The following MROH9 variants were observed in gnomAD, a reference collection of about 807,000 sequenced individuals.
The protein encoded by MROH9 is maestro heat-like repeat-containing protein family member 9.
Under a neutral mutation model 98.2 loss-of-function variants are expected in MROH9, and 92 were observed. That is an observed-to-expected ratio of 0.94 (90% CI 0.79 to 1.11). The LOEUF is 1.11. Among genes scored for constraint, MROH9 ranks in the 50% most tolerant of loss-of-function variants. The pLI is 0.00. For missense variants in MROH9, 1,057 were observed against 1,014.8 expected (o/e 1.04, Z -0.57); for synonymous variants, 397 against 368.9 (o/e 1.08, Z -0.87).
chr1:170,985,104 T>A (rs1050592828), intron 9 of MROH9, among the ~76,000 whole-genome samples: 5 of 152,114 alleles, frequency 3.3e-5, no homozygotes, highest in African/African-American at 1.2e-4. Flanking sequence ...TTGCAAAGGA[T>A]CCACAGAGAG....
chr1:171,033,299 C>CA (rs1284913675), intron 20 of MROH9, among the ~76,000 whole-genome samples: 5 of 152,268 alleles, frequency 3.3e-5, no homozygotes, highest in African/African-American at 1.2e-4. Context: ...GGTCGCCCTT[C>CA]ACCCCAGGAG....
chr1:171,002,043 G>C (rs1651801640), intron 15 of MROH9, among the ~76,000 whole-genome samples: 2 of 152,110 alleles, frequency 1.3e-5, no homozygotes, highest in African/African-American at 4.8e-5. Flanking sequence ...TATTTTGTCT[G>C]ATATAAGAAT....
chr1:170,945,396 C>T, intron 1 of MROH9, 124 bp from the exon 2 acceptor site: 2 of 629,564 alleles, frequency 3.2e-6, no homozygotes, highest in East Asian at 3.0e-5. Flanking sequence ...TAAATTGATG[C>T]ACAGCTATAG....
rs972586768 is a variant in MROH9 at position 170,998,722 on chromosome 1, T to A, written c.1596+448T>A. ...ACCATATTACTTTGTATATCAATAT[T>A]GTGCCATGTATTGTAATACTATAAT... On this transcript the variant is annotated intron_variant, in intron 15 of 21. Coordinates refer to ENST00000367759, the MANE Select transcript of MROH9 (RefSeq NM_001163629.2). 3.0e-6 allele frequency: 3 copies of A among 1,014,016 alleles called. No homozygotes were observed. In the African/African-American group the frequency reaches 5.2e-5, roughly 17 times the overall value. The allele number at this position is 1,014,016 out of a possible 1,614,324, so 62.8% of individuals were successfully genotyped here. A position where few individuals can be genotyped will look rare whatever the true frequency, so the allele number is the denominator to read the frequency against.
intron 20 of MROH9, among the ~76,000 whole-genome samples, chr1:171,047,505 T>C (rs1368187052): frequency 6.6e-6 from 1 of 152,202 alleles, no homozygotes; most frequent in African/African-American, 2.4e-5. Flanking sequence ...CTTGATTCTT[T>C]TTCATCATTT....
intron 15 of MROH9, among the ~76,000 whole-genome samples, chr1:171,007,621 C>A (rs1230416979): frequency 6.6e-6 from 1 of 152,190 alleles, no homozygotes; most frequent in Non-Finnish European, 1.5e-5. Flanking sequence ...TTTCCGGGAT[C>A]TGCTGTGGGA....
chr1:170,979,151 G>A (rs752837449), intron 8 of MROH9, among the ~76,000 whole-genome samples: 13 of 152,162 alleles, frequency 8.5e-5, no homozygotes, highest in African/African-American at 1.4e-4. Flanking sequence ...TAGGTGCTGG[G>A]AAACCAACAA....
chr1:170,974,795 T>C (rs1252478358), intron 8 of MROH9, among the ~76,000 whole-genome samples: 2 of 152,032 alleles, frequency 1.3e-5, no homozygotes, highest in Admixed American at 6.5e-5. Flanking sequence ...TCTCTTTAAA[T>C]GATAATCAAC....
rs553803572 is a variant in MROH9 at position 171,048,302 on chromosome 1, C to T, written c.2282-13830C>T. Among the ~76,000 whole-genome samples, 6 of 152,300 alleles carry T rather than the reference C, an allele frequency of 3.9e-5. No homozygotes were observed. The South Asian group carries it at 1.2e-3, about 32-fold the overall frequency. The stretch of plus-strand genomic sequence containing the variant: ...AGGAGCCAGGGACTAGGGTCAAAAA[C>T]CTTGGAAGTCTACTTGGTGTTCCAT... On this transcript the variant is annotated intron_variant, in intron 20 of 21. Transcript: ENST00000367759.
At chr1:170,956,833 A>G (rs189636353) in intron 3 of MROH9, among the ~76,000 whole-genome samples, 2 of 151,940 alleles carry the variant, frequency 1.3e-5, no homozygotes, top group East Asian at 3.9e-4. Context: ...ACAGATTTGG[A>G]TGCCCTTTAT....
chr1:170,978,954 C>T (rs1025221348), intron 8 of MROH9, among the ~76,000 whole-genome samples: 5 of 152,158 alleles, frequency 3.3e-5, no homozygotes, highest in Admixed American at 6.5e-5. Context: ...TGCAGAGATG[C>T]TACTGGCTCA....
At chr1:170,970,839 C>T (rs1650430477) in intron 7 of MROH9, among the ~76,000 whole-genome samples, 1 of 151,606 alleles carries the variant, frequency 6.6e-6, no homozygotes, top group African/African-American at 2.4e-5. Context: ...AAAAGGTCAA[C>T]AGAAGCAGAA....
At chr1:171,018,542 G>T (rs920140083) in intron 17 of MROH9, among the ~76,000 whole-genome samples, 5 of 152,194 alleles carry the variant, frequency 3.3e-5, no homozygotes, top group Non-Finnish European at 7.3e-5. Context: ...CATAGAACTG[G>T]ACGGAGGATG....
intron 20 of MROH9, among the ~76,000 whole-genome samples, chr1:171,031,588 CA>C (rs751283595): frequency 2.6e-5 from 4 of 152,112 alleles, no homozygotes; most frequent in Admixed American, 6.6e-5. Flanking sequence ...TTTTCTTTAA[CA>C]ATGTTGAATT....
chr1:170,951,624 G>T (rs184579997), intron 3 of MROH9, among the ~76,000 whole-genome samples: 7 of 152,242 alleles, frequency 4.6e-5, no homozygotes, highest in Admixed American at 3.9e-4. Flanking sequence ...GGACTAGCAG[G>T]ATGGAAGAGC....
intron 8 of MROH9, among the ~76,000 whole-genome samples, chr1:170,981,945 A>G (rs998051133): frequency 6.6e-6 from 1 of 152,212 alleles, no homozygotes; most frequent in Non-Finnish European, 1.5e-5. Flanking sequence ...TGATTCTGCT[A>G]TGTGTTGTTA....
chr1:170,988,196 A>G (rs1056815417), intron 10 of MROH9, among the ~76,000 whole-genome samples: 1 of 152,240 alleles, frequency 6.6e-6, no homozygotes, highest in Non-Finnish European at 1.5e-5. Flanking sequence ...TCACAGGCCC[A>G]TGAAACCAGT....
At chr1:171,016,482 T>A in intron 17 of MROH9, 146 bp downstream of exon 17, 1 of 566,540 alleles carries the variant, frequency 1.8e-6, no homozygotes, top group Non-Finnish European at 2.7e-6. Context: ...ATTAGGTAAG[T>A]ACTGGTCTTT....
intron 20 of MROH9, among the ~76,000 whole-genome samples, chr1:171,060,849 T>C (rs989064860): frequency 7.9e-5 from 12 of 152,110 alleles, no homozygotes; most frequent in Non-Finnish European, 1.5e-5. Context: ...ACCTCAAAAT[T>C]AACTGACCAT....
Sources: allele counts gnomAD v4.1 joint callset (sites outside exome capture counted in the v4.1 genomes callset), GRCh38; gene constraint gnomAD v4.1.1; transcripts MANE v1.5; gene names NCBI Gene and HGNC (gene_info 2026-07-23, HGNC 2026-07-21).